CRPPA: variants seen among roughly 807,000 people sequenced by gnomAD.
CRPPA encodes the protein CDP-L-ribitol pyrophosphorylase A, also known as D-ribitol-5-phosphate cytidylyltransferase.
In CRPPA, 43 loss-of-function variants were observed where a neutral mutation model predicts 52.0. That is an observed-to-expected ratio of 0.83 (90% confidence interval 0.65 to 1.07). The LOEUF is 1.07. Among genes scored for constraint, CRPPA ranks in the 50% least tolerant of loss-of-function variants. The pLI, the probability that CRPPA is intolerant of heterozygous loss-of-function variation, is 0.00. For missense variants in CRPPA, 629 were observed against 551.7 expected (o/e 1.14, Z -1.40); for synonymous variants, 250 against 203.5 (o/e 1.23, Z -1.94).
chr7:16,214,802 C>A (rs905322622), intron 9 of CRPPA, among the ~76,000 whole-genome samples: 1 of 152,284 alleles, frequency 6.6e-6, no homozygotes, highest in East Asian at 1.9e-4. Flanking sequence ...TGAGCCACCA[C>A]AAAGAGAGAA....
chr7:16,350,961 G>T (rs987160168), intron 3 of CRPPA, among the ~76,000 whole-genome samples: 14 of 152,042 alleles, frequency 9.2e-5, no homozygotes, highest in African/African-American at 3.1e-4. Flanking sequence ...ACTATTTTCA[G>T]AAAACAGACA....
intron 1 of CRPPA, among the ~76,000 whole-genome samples, chr7:16,410,720 A>T (rs1339017317): frequency 2.0e-5 from 3 of 151,984 alleles, no homozygotes; most frequent in African/African-American, 4.8e-5. Flanking sequence ...TCTCATACCC[A>T]ACTACTCCCT....
intron 9 of CRPPA, among the ~76,000 whole-genome samples, chr7:16,138,310 G>T (rs2128374813): frequency 6.6e-6 from 1 of 152,260 alleles, no homozygotes; most frequent in East Asian, 1.9e-4. Context: ...ATTTGTCTGT[G>T]CAAGGATAGC....
chr7:16,170,606 G>A (rs979290928), intron 9 of CRPPA, among the ~76,000 whole-genome samples: 8 of 152,240 alleles, frequency 5.3e-5, no homozygotes, highest in African/African-American at 1.7e-4. Context: ...CAAGTGGGTT[G>A]CCATTGCTGG....
At chr7:16,342,847 A>T (rs1785909739) in intron 3 of CRPPA, among the ~76,000 whole-genome samples, 1 of 147,340 alleles carries the variant, frequency 6.8e-6, no homozygotes, top group Admixed American at 6.8e-5. Context: ...ATATATAGAT[A>T]TACATATATA....
At chr7:16,158,946 T>G (rs554505456) in intron 9 of CRPPA, among the ~76,000 whole-genome samples, 1 of 145,744 alleles carries the variant, frequency 6.9e-6, no homozygotes, top group African/African-American at 2.8e-5. Context: ...GTTTTGTTTT[T>G]ATTTGTTTTT....
At chr7:16,154,878 A>G (rs1387323022) in intron 9 of CRPPA, among the ~76,000 whole-genome samples, 1 of 148,088 alleles carries the variant, frequency 6.8e-6, no homozygotes, top group Non-Finnish European at 1.5e-5. Context: ...CACAATCTCG[A>G]CTCACCACAA....
chr7:16,238,618 C>T (rs1253695375), intron 8 of CRPPA, among the ~76,000 whole-genome samples: 1 of 151,958 alleles, frequency 6.6e-6, no homozygotes, highest in Admixed American at 6.6e-5. Context: ...TGGACAAATA[C>T]AAGAGAAAAC....
rs573617675 is a variant in CRPPA at position 16,258,370 on chromosome 7, T to C, written c.1119+20A>G. On this transcript the variant is annotated intron_variant, in intron 8 of 9. Transcript: ENST00000407010. ...GAAGGAAGCATAAGTTTGAGAAAAATCTGCATTAATTTCACTTACTGAAAC... is the reference window on the plus strand; with the variant it reads ...GAAGGAAGCATAAGTTTGAGAAAAACCTGCATTAATTTCACTTACTGAAAC... The C allele has an allele frequency of 1.6e-5, 23 of 1,458,636 alleles. No homozygotes were observed. In the South Asian group the frequency reaches 2.7e-4, roughly 17 times the overall value. The allele number at this position is 1,458,636 out of a possible 1,614,324, so 90.4% of individuals were successfully genotyped here. A position where few individuals can be genotyped will look rare whatever the true frequency, so the allele number is the denominator to read the frequency against.
chr7:16,144,144 A>G (rs200951290), intron 9 of CRPPA, among the ~76,000 whole-genome samples: 1 of 152,188 alleles, frequency 6.6e-6, no homozygotes, highest in East Asian at 1.9e-4. Context: ...CCTTGATACC[A>G]GCTTCAGAAT....
At chr7:16,291,516 A>G (rs1466145779) in intron 5 of CRPPA, among the ~76,000 whole-genome samples, 1 of 151,992 alleles carries the variant, frequency 6.6e-6, no homozygotes, top group Non-Finnish European at 1.5e-5. Flanking sequence ...TGTCACTCAC[A>G]TAATGAAAGA....
At chr7:16,414,713 T>C (rs745525563) in intron 1 of CRPPA, among the ~76,000 whole-genome samples, 32 of 152,236 alleles carry the variant, frequency 2.1e-4, no homozygotes, top group Admixed American at 2.0e-4. Context: ...AGATTCCCTT[T>C]AGTTTATAAC....
At chr7:16,385,685 G>T (rs1400705583) in intron 2 of CRPPA, among the ~76,000 whole-genome samples, 1 of 152,292 alleles carries the variant, frequency 6.6e-6, no homozygotes, top group African/African-American at 2.4e-5. Flanking sequence ...AAGTGTACCA[G>T]TAAAGATAAT....
intron 9 of CRPPA, among the ~76,000 whole-genome samples, chr7:16,136,926 T>C (rs1173959672): frequency 1.3e-5 from 2 of 152,246 alleles, no homozygotes; most frequent in African/African-American, 4.8e-5. Context: ...GGGCCAAGTT[T>C]AAACCCATTA....
chr7:16,215,943 A>C, intron 9 of CRPPA, 123 bp downstream of exon 9: 1 of 744,988 alleles, frequency 1.3e-6, no homozygotes. Context: ...ACACACATAG[A>C]TGAGTAACTT....
At chr7:16,110,077 T>C (rs1380562606) in intron 9 of CRPPA, among the ~76,000 whole-genome samples, 2 of 151,984 alleles carry the variant, frequency 1.3e-5, no homozygotes, top group African/African-American at 2.4e-5. Context: ...AATACACATA[T>C]ACAGTAAGGT....
chr7:16,154,739 C>T (rs1317972073), intron 9 of CRPPA, among the ~76,000 whole-genome samples: 2 of 150,946 alleles, frequency 1.3e-5, no homozygotes, highest in Non-Finnish European at 2.9e-5. Flanking sequence ...CTTTTAAATA[C>T]TATTAATTTT....
chr7:16,204,894 G>T (rs1287121967), intron 9 of CRPPA, among the ~76,000 whole-genome samples: 2 of 152,062 alleles, frequency 1.3e-5, no homozygotes, highest in Admixed American at 6.6e-5. Flanking sequence ...TAACGTTTTG[G>T]ATTCTTACTG....
intron 9 of CRPPA, among the ~76,000 whole-genome samples, chr7:16,154,765 C>A (rs181575578): frequency 1.7e-3 from 261 of 150,130 alleles, no homozygotes; most frequent in Non-Finnish European, 3.3e-3. Flanking sequence ...ACAGGTGATT[C>A]AATCTTCAAA....
Sources: allele counts gnomAD v4.1 joint callset (sites outside exome capture counted in the v4.1 genomes callset), GRCh38; gene constraint gnomAD v4.1.1; transcripts MANE v1.5; gene names NCBI Gene and HGNC (gene_info 2026-07-23, HGNC 2026-07-21).